PTPRD: variants seen among roughly 807,000 people sequenced by gnomAD.
PTPRD encodes the protein receptor-type tyrosine-protein phosphatase delta.
A neutral mutation model predicts 214.5 loss-of-function variants in PTPRD; 34 were observed. That is an observed-to-expected ratio of 0.16 (90% CI 0.12 to 0.21). The LOEUF is 0.21. Ranked by LOEUF, PTPRD falls within the 10% of genes least tolerant of loss-of-function variation. The probability of loss-of-function intolerance (pLI) is 1.00; values close to 1 mark genes in which losing one functional copy is unlikely to be tolerated. For missense variants in PTPRD, 2,545 were observed against 2,398.7 expected, an observed-to-expected ratio of 1.06 and a Z score of -1.27; for synonymous variants, 1,128 against 845.7, an observed-to-expected ratio of 1.33 and a Z score of -5.79.
intron 2 of PTPRD, among the ~76,000 whole-genome samples, chr9:10,429,466 G>A (rs1160805240): frequency 6.6e-6 from 1 of 151,890 alleles, no homozygotes. Context: ...AAAGTGCGGT[G>A]TATATGCACA....
At chr9:9,623,969 G>C (rs2095332986) in intron 7 of PTPRD, among the ~76,000 whole-genome samples, 1 of 152,132 alleles carries the variant, frequency 6.6e-6, no homozygotes, top group Non-Finnish European at 1.5e-5. Flanking sequence ...GAGCGAGCTA[G>C]TTTTGTGGGT....
chr9:8,513,927 G>A (rs1417446116), intron 21 of PTPRD, among the ~76,000 whole-genome samples: 1 of 152,074 alleles, frequency 6.6e-6, no homozygotes. Flanking sequence ...TGTATTAAAA[G>A]TAAAACTATT....
At chr9:9,781,888 G>T (rs997746962) in intron 5 of PTPRD, among the ~76,000 whole-genome samples, 3 of 151,696 alleles carry the variant, frequency 2.0e-5, no homozygotes, top group African/African-American at 7.3e-5. Flanking sequence ...CGCCTCCCGA[G>T]TTCACGCCAT....
intron 5 of PTPRD, among the ~76,000 whole-genome samples, chr9:9,789,540 G>A (rs2098951357): frequency 1.3e-5 from 2 of 152,120 alleles, no homozygotes; most frequent in South Asian, 4.1e-4. Context: ...GCTCACGCCT[G>A]TAATCCCAGC....
chr9:8,720,514 A>T (rs1464211864), intron 12 of PTPRD, among the ~76,000 whole-genome samples: 3 of 152,238 alleles, frequency 2.0e-5, no homozygotes, highest in Non-Finnish European at 4.4e-5. Context: ...CACCATGATG[A>T]TGAGTAAAAA....
Position 8,722,498 on chromosome 9 carries a change from G to GT in PTPRD, c.64+11281dup, listed in dbSNP as rs56191898. ...TGTTAAATCATATAAACAATAAAGG[G>GT]TTTTTTTTTTTCTTAAATGGAAGAA... On this transcript the variant is annotated intron_variant, in intron 12 of 45. Transcript: ENST00000381196. 3.2e-4 allele frequency among the ~76,000 whole-genome samples: 48 copies of GT among 150,338 alleles called. 1 individual carries two copies. The highest frequency in any genetic ancestry group is 8.6e-4 in the Admixed American group (13 of 15,100).
intron 3 of PTPRD, among the ~76,000 whole-genome samples, chr9:10,067,968 G>C (rs1023557572): frequency 8.6e-5 from 13 of 151,894 alleles, no homozygotes; most frequent in Non-Finnish European, 1.3e-4. Context: ...TTGGGATTTT[G>C]TGCTAGCTGA....
At chr9:9,851,550 C>T (rs1258967929) in intron 5 of PTPRD, among the ~76,000 whole-genome samples, 4 of 152,160 alleles carry the variant, frequency 2.6e-5, no homozygotes, top group African/African-American at 9.7e-5. Context: ...ACATTATTTA[C>T]AAAAGGTGTA....
At chr9:10,525,447 C>G (rs73642005) in intron 2 of PTPRD, among the ~76,000 whole-genome samples, 14,129 of 151,954 alleles carry the variant, frequency 0.093, 807 homozygotes, top group African/African-American at 0.15. Context: ...GTACAAATTA[C>G]AGATGATATG....
At chr9:8,697,191 T>C (rs2097931838) in intron 12 of PTPRD, among the ~76,000 whole-genome samples, 1 of 152,072 alleles carries the variant, frequency 6.6e-6, no homozygotes, top group Admixed American at 6.6e-5. Flanking sequence ...ATAAATCTAA[T>C]TTCTGAGGAC....
intron 2 of PTPRD, among the ~76,000 whole-genome samples, chr9:10,540,050 G>A (rs2058743872): frequency 6.6e-6 from 1 of 152,122 alleles, no homozygotes; most frequent in Admixed American, 6.6e-5. Flanking sequence ...TTATTTTGAG[G>A]TGGAGTCTTG....
At chr9:10,282,434 A>G (rs928804062) in intron 3 of PTPRD, among the ~76,000 whole-genome samples, 1 of 152,200 alleles carries the variant, frequency 6.6e-6, no homozygotes, top group Non-Finnish European at 1.5e-5. Context: ...ATAAGCCTTC[A>G]GTCTTCTAAT....
At chr9:8,336,840 C>T (rs1342725426) in intron 43 of PTPRD, among the ~76,000 whole-genome samples, 1 of 152,048 alleles carries the variant, frequency 6.6e-6, no homozygotes, top group Non-Finnish European at 1.5e-5. Context: ...GGCAGACAAA[C>T]ATATGAAAAA....
chr9:9,176,197 G>C (rs146914468), intron 10 of PTPRD, among the ~76,000 whole-genome samples: 533 of 152,246 alleles, frequency 3.5e-3, no homozygotes, highest in Non-Finnish European at 4.9e-3. Context: ...TGGTCTAATT[G>C]TTCTGGTTCT....
intron 11 of PTPRD, among the ~76,000 whole-genome samples, chr9:8,987,758 CAG>C (rs1214695796): frequency 1.3e-5 from 2 of 151,894 alleles, no homozygotes; most frequent in African/African-American, 4.8e-5. Context: ...AATTGTGCAA[CAG>C]AGAGAAGTTG....
chr9:8,746,762 G>A (rs1254928055), intron 11 of PTPRD, among the ~76,000 whole-genome samples: 1 of 152,170 alleles, frequency 6.6e-6, no homozygotes, highest in Admixed American at 6.5e-5. Flanking sequence ...CAGAGGCTGA[G>A]GCAGGAGGAT....
chr9:8,356,347 C>T (rs908617312), intron 39 of PTPRD, among the ~76,000 whole-genome samples: 5 of 152,142 alleles, frequency 3.3e-5, no homozygotes, highest in Admixed American at 2.0e-4. Context: ...ACAAAGATAA[C>T]AGAACTATTT....
intron 2 of PTPRD, among the ~76,000 whole-genome samples, chr9:10,553,060 C>G (rs531725621): frequency 1.8e-4 from 27 of 152,236 alleles, no homozygotes; most frequent in African/African-American, 6.3e-4. Flanking sequence ...GTTGACCATT[C>G]CCTGAGCCCA....
chr9:9,894,081 C>A (rs540266516), intron 5 of PTPRD, among the ~76,000 whole-genome samples: 1 of 151,958 alleles, frequency 6.6e-6, no homozygotes, highest in African/African-American at 2.4e-5. Flanking sequence ...GGCCTCCTAA[C>A]GCTGTGGAAT....
Sources: allele counts gnomAD v4.1 joint callset (sites outside exome capture counted in the v4.1 genomes callset), GRCh38; gene constraint gnomAD v4.1.1; transcripts MANE v1.5; gene names NCBI Gene and HGNC (gene_info 2026-07-23, HGNC 2026-07-21).